Variants in DLGAP2 observed in about 807,000 individuals in gnomAD.
The protein encoded by DLGAP2 is DLG associated protein 2.
DLGAP2 carries 26 observed loss-of-function variants against 100.3 expected under a neutral mutation model. That is an observed-to-expected ratio of 0.26 (90% CI 0.19 to 0.36). The LOEUF (loss-of-function observed/expected upper bound fraction) is 0.36. Among genes scored for constraint, DLGAP2 ranks in the 10% least tolerant of loss-of-function variants. The pLI is 1.00. For synonymous variants in DLGAP2, 886 were observed against 630.1 expected (o/e 1.41, Z -6.08); for missense variants, 1,858 against 1,453.2 (o/e 1.28, Z -4.53).
chr8:876,789 C>T (rs185441053), intron 1 of DLGAP2, among the ~76,000 whole-genome samples: 1 of 152,164 alleles, frequency 6.6e-6, no homozygotes, highest in African/African-American at 2.4e-5. Context: ...CTCTAGGTGC[C>T]CTATGCTTCT....
intron 3 of DLGAP2, among the ~76,000 whole-genome samples, chr8:1,457,123 G>C (rs1039794681): frequency 2.6e-5 from 4 of 152,194 alleles, no homozygotes; most frequent in Non-Finnish European, 5.9e-5. Context: ...GGAGTTGCAA[G>C]ATTTTTCAGT....
chr8:997,840 G>A (rs1227777013), intron 2 of DLGAP2, among the ~76,000 whole-genome samples: 6 of 150,964 alleles, frequency 4.0e-5, no homozygotes, highest in African/African-American at 7.3e-5. Context: ...ACGCATACAC[G>A]TGTGCATACA....
At chr8:1,167,268 C>T (rs992316727) in intron 2 of DLGAP2, among the ~76,000 whole-genome samples, 20 of 152,324 alleles carry the variant, frequency 1.3e-4, no homozygotes, top group Non-Finnish European at 2.6e-4. Context: ...TGAAATTTAT[C>T]ACAAACCCTC....
intron 3 of DLGAP2, among the ~76,000 whole-genome samples, chr8:1,472,907 G>C (rs1798839304): frequency 6.6e-6 from 1 of 152,050 alleles, no homozygotes; most frequent in Non-Finnish European, 1.5e-5. Context: ...CTAAAATGAG[G>C]GAAAACTTAT....
chr8:1,035,591 G>A (rs76910511), intron 2 of DLGAP2, among the ~76,000 whole-genome samples: 1 of 30 alleles, frequency 0.033, no homozygotes, highest in Non-Finnish European at 0.1. Context: ...GGACTCACAC[G>A]CTCATCCCGA....
At chr8:1,266,296 G>A (rs1799449460) in intron 3 of DLGAP2, among the ~76,000 whole-genome samples, 1 of 152,198 alleles carries the variant, frequency 6.6e-6, no homozygotes, top group Admixed American at 6.5e-5. Flanking sequence ...AAGCAGCCAT[G>A]CTTTTATTGG....
intron 2 of DLGAP2, among the ~76,000 whole-genome samples, chr8:1,232,211 G>C (rs572554074): frequency 6.6e-6 from 1 of 152,344 alleles, no homozygotes. Context: ...TTGCACACTT[G>C]CCGGGGTCAT....
chr8:1,600,290 T>C (rs1441540917), intron 6 of DLGAP2, among the ~76,000 whole-genome samples: 1 of 152,210 alleles, frequency 6.6e-6, no homozygotes, highest in Non-Finnish European at 1.5e-5. Context: ...CCTTTCTCTC[T>C]GGCTGCCCTT....
intron 3 of DLGAP2, among the ~76,000 whole-genome samples, chr8:1,264,509 T>C (rs1285104054): frequency 2.0e-5 from 3 of 152,060 alleles, no homozygotes; most frequent in Non-Finnish European, 4.4e-5. Flanking sequence ...GGATCTGAGA[T>C]CTGAATTTAT....
chr8:1,537,439 C>G (rs904045587), intron 4 of DLGAP2, among the ~76,000 whole-genome samples: 3 of 152,120 alleles, frequency 2.0e-5, no homozygotes, highest in African/African-American at 4.8e-5. Context: ...CTGCCAAACC[C>G]TTCCCTGATT....
At chr8:1,380,351 AG>A (rs1409804768) in intron 3 of DLGAP2, 1 of 152,128 alleles carries the variant, frequency 6.6e-6, no homozygotes, top group Non-Finnish European at 1.5e-5. Flanking sequence ...GGTTAACGGA[AG>A]CAGCCGTCTC....
chr8:1,347,167 A>G (rs982612476), intron 3 of DLGAP2, among the ~76,000 whole-genome samples: 2 of 152,014 alleles, frequency 1.3e-5, no homozygotes, highest in Admixed American at 1.3e-4. Flanking sequence ...GCGTTCCTGT[A>G]CAGAGCTGCA....
chr8:1,462,246 G>C (rs1318415213), intron 3 of DLGAP2, among the ~76,000 whole-genome samples: 2 of 82,426 alleles, frequency 2.4e-5, no homozygotes, highest in Admixed American at 1.4e-4. Flanking sequence ...TTGGGAGAAG[G>C]TGCTGCTGTC....
intron 10 of DLGAP2, among the ~76,000 whole-genome samples, chr8:1,673,371 T>G (rs1798736594): frequency 6.6e-6 from 1 of 152,234 alleles, no homozygotes; most frequent in African/African-American, 2.4e-5. Context: ...CTTTTCTGTC[T>G]CACATGAAGC....
chr8:1,505,001 A>C (rs1799856499), intron 4 of DLGAP2, among the ~76,000 whole-genome samples: 1 of 152,232 alleles, frequency 6.6e-6, no homozygotes, highest in Non-Finnish European at 1.5e-5. Flanking sequence ...AAAAAACACA[A>C]AAAGAAAGGA....
chr8:1,124,119 G>C (rs1336137296), intron 2 of DLGAP2, among the ~76,000 whole-genome samples: 4 of 152,106 alleles, frequency 2.6e-5, no homozygotes, highest in Non-Finnish European at 1.5e-5. Flanking sequence ...AGAGTTTAAC[G>C]CCAATAAAAA....
rs563211636 is a variant in DLGAP2 at position 1,415,305 on chromosome 8, C to G, written c.107-86061C>G. Among the ~76,000 whole-genome samples, 45 of 152,226 alleles carry G rather than the reference C, an allele frequency of 3.0e-4. No homozygotes were observed. In the East Asian group the frequency reaches 5.0e-3, roughly 17 times the overall value. ...CTAGTGCGTCTTTCTGATTTAAAGGCTAATTTTTTTTTCAACTTTTATTTT... is the reference window on the plus strand; with the variant it reads ...CTAGTGCGTCTTTCTGATTTAAAGGGTAATTTTTTTTTCAACTTTTATTTT... On this transcript the variant is annotated intron_variant, in intron 3 of 14. Coordinates refer to ENST00000637795, the MANE Select transcript of DLGAP2 (RefSeq NM_001346810.2).
intron 4 of DLGAP2, among the ~76,000 whole-genome samples, chr8:1,523,419 C>A (rs1420617636): frequency 6.6e-6 from 1 of 152,338 alleles, no homozygotes; most frequent in Admixed American, 6.5e-5. Flanking sequence ...CTGCTGACTT[C>A]ACGCAGCCCC....
At chr8:887,768 T>C (rs1388182912) in intron 1 of DLGAP2, among the ~76,000 whole-genome samples, 1 of 152,272 alleles carries the variant, frequency 6.6e-6, no homozygotes, top group East Asian at 1.9e-4. Context: ...CTTCCCTTTG[T>C]AGGTGACTTG....
Sources: gnomAD v4.1 joint callset for allele counts (sites outside exome capture counted in the v4.1 genomes callset) on GRCh38, gnomAD v4.1.1 for gene constraint, MANE v1.5 for transcripts, NCBI Gene and HGNC (gene_info 2026-07-23, HGNC 2026-07-21) for gene names.